The following CDH4 variants were observed in gnomAD, a reference collection of about 807,000 sequenced individuals.
CDH4 encodes cadherin 4.
CDH4 carries 33 observed loss-of-function variants against 86.0 expected under a neutral mutation model. The ratio of observed to expected loss-of-function variants is 0.38; its 90% CI spans 0.29 to 0.51. The LOEUF is 0.51. Among genes scored for constraint, CDH4 ranks in the 20% least tolerant of loss-of-function variants. CDH4 has a pLI of 0.86. For missense variants in CDH4, 1,114 were observed against 1,307.4 expected, an observed-to-expected ratio of 0.85 and a Z score of 2.28; for synonymous variants, 555 against 549.4, an observed-to-expected ratio of 1.01 and a Z score of -0.14.
At chr20:61,256,571 G>A (rs893973515) in intron 2 of CDH4, among the ~76,000 whole-genome samples, 1 of 152,208 alleles carries the variant, frequency 6.6e-6, no homozygotes, top group Non-Finnish European at 1.5e-5. Flanking sequence ...ATCACTGGCC[G>A]GATGTCGGCC....
intron 3 of CDH4, among the ~76,000 whole-genome samples, chr20:61,752,521 T>C (rs1235005302): frequency 6.6e-6 from 1 of 152,166 alleles, no homozygotes; most frequent in Non-Finnish European, 1.5e-5. Context: ...GCCTCGTTTT[T>C]GGTGTATGCC....
At chr20:61,545,704 C>T (rs961664993) in intron 2 of CDH4, among the ~76,000 whole-genome samples, 6 of 152,112 alleles carry the variant, frequency 3.9e-5, no homozygotes, top group Non-Finnish European at 5.9e-5. Context: ...TTGGCGCCAG[C>T]GGGCAGGAGG....
intron 2 of CDH4, among the ~76,000 whole-genome samples, chr20:61,329,581 A>C (rs1383854936): frequency 6.6e-6 from 1 of 152,094 alleles, no homozygotes; most frequent in Non-Finnish European, 1.5e-5. Context: ...TCTTTCCAGC[A>C]TAGTTCCCCC....
Position 61,501,196 on chromosome 20 carries a change from C to T in CDH4, c.170-242367C>T, listed in dbSNP as rs1816332496. On this transcript the variant is annotated intron_variant, in intron 2 of 15. Transcript: ENST00000614565. This position sits in a 1 kb window ranked among gnomAD's most constrained non-coding sequence, Gnocchi z 4.2. Reference sequence around the variant, plus strand: ...TAGACTCAGGCTGGGGGAGGTGGCGCTGCCATCCGCCATCTCCAGTCTCCT... The same window carrying T: ...TAGACTCAGGCTGGGGGAGGTGGCGTTGCCATCCGCCATCTCCAGTCTCCT... Among the ~76,000 whole-genome samples, 2 of 152,216 alleles carry T rather than the reference C, an allele frequency of 1.3e-5. No homozygotes were observed. The highest frequency in any genetic ancestry group is 2.1e-4 in the South Asian group (1 of 4,832).
intron 2 of CDH4, among the ~76,000 whole-genome samples, chr20:61,697,919 G>A (rs192998596): frequency 2.4e-4 from 36 of 152,328 alleles, no homozygotes; most frequent in African/African-American, 7.0e-4. Context: ...TCTCTTTTGC[G>A]GAGTAAGTGC....
rs147141656 is a variant in CDH4 at position 61,908,037 on chromosome 20, C to T, written c.1189-2385C>T. Among the ~76,000 whole-genome samples the T allele has an allele frequency of 9.3e-3, 1,419 of 152,302 alleles. 76 individuals are homozygous for T. Among genetic ancestry groups the T allele is most frequent in the Admixed American group, 0.066 (1,006 of 15,296 alleles). Reference sequence around the variant, plus strand: ...CAGGCAGGGCCCTTCCTACCAGACCCAGAGCTGGGCCGGGCTGCGGGGTTT... The same window carrying T: ...CAGGCAGGGCCCTTCCTACCAGACCTAGAGCTGGGCCGGGCTGCGGGGTTT... On this transcript the variant is annotated intron_variant, in intron 8 of 15. Transcript: ENST00000614565.
At chr20:61,658,339 T>C (rs542779201) in intron 2 of CDH4, among the ~76,000 whole-genome samples, 1 of 152,004 alleles carries the variant, frequency 6.6e-6, no homozygotes, top group African/African-American at 2.4e-5. Flanking sequence ...CCCCGAGTCA[T>C]TGTCCCCTCC....
chr20:61,349,265 G>A lies in CDH4; in HGVS notation c.169+94328G>A, dbSNP rs566029516. Among the ~76,000 whole-genome samples, 17 of 152,314 alleles carry A rather than the reference G, an allele frequency of 1.1e-4. No homozygotes were observed. In the East Asian group the frequency reaches 2.3e-3, roughly 21 times the overall value. On this transcript the variant is annotated intron_variant, in intron 2 of 15. Transcript: ENST00000614565. ...ACCTGCCCCAACCCAAGGCTGCTCC[G>A]TAGCCGTGGAGTTGGTGGTTCTGGG...
intron 2 of CDH4, among the ~76,000 whole-genome samples, chr20:61,638,512 A>AT (rs2086972317): frequency 6.6e-6 from 1 of 152,182 alleles, no homozygotes; most frequent in Admixed American, 6.5e-5. Context: ...GGAAGGAAGT[A>AT]TAATGGATGG....
intron 2 of CDH4, among the ~76,000 whole-genome samples, chr20:61,279,623 G>C (rs946104002): frequency 1.3e-5 from 2 of 152,188 alleles, no homozygotes; most frequent in Non-Finnish European, 2.9e-5. Context: ...CGACAGCAGG[G>C]AGCAGTGAAG....
intron 2 of CDH4, among the ~76,000 whole-genome samples, chr20:61,682,312 G>A (rs750512008): frequency 7.2e-6 from 1 of 138,686 alleles, no homozygotes; most frequent in South Asian, 2.5e-4. Flanking sequence ...AGGGACAGAT[G>A]GAAGGAGAGA....
At chr20:61,899,916 A>G (rs1985306291) in intron 8 of CDH4, among the ~76,000 whole-genome samples, 1 of 152,234 alleles carries the variant, frequency 6.6e-6, no homozygotes, top group Admixed American at 6.5e-5. Flanking sequence ...TGCCAGAGGC[A>G]GGGTGTCAGC....
chr20:61,886,819 T>G (rs988171189), intron 7 of CDH4, among the ~76,000 whole-genome samples: 1 of 152,146 alleles, frequency 6.6e-6, no homozygotes, highest in African/African-American at 2.4e-5. Flanking sequence ...CTTGGAGGAC[T>G]GCACACAGCG....
intron 2 of CDH4, among the ~76,000 whole-genome samples, chr20:61,720,191 G>C (rs16985505): frequency 0.054 from 8,144 of 152,176 alleles, 723 homozygotes; most frequent in East Asian, 0.38. Context: ...CATGTTTTGG[G>C]CGAACGTTGG....
At chr20:61,706,332 G>A (rs993012225) in intron 2 of CDH4, among the ~76,000 whole-genome samples, 5 of 152,068 alleles carry the variant, frequency 3.3e-5, no homozygotes, top group South Asian at 4.1e-4. Flanking sequence ...ATGAGAGACC[G>A]GATACCCCAC....
At chr20:61,932,409 C>A (rs2055121428) in intron 13 of CDH4, among the ~76,000 whole-genome samples, 1 of 152,218 alleles carries the variant, frequency 6.6e-6, no homozygotes, top group Non-Finnish European at 1.5e-5. Flanking sequence ...TGCACACGCA[C>A]ACAGGCATGC....
chr20:61,578,394 A>G (rs530334292), intron 2 of CDH4, among the ~76,000 whole-genome samples: 1 of 152,316 alleles, frequency 6.6e-6, no homozygotes, highest in East Asian at 1.9e-4. Flanking sequence ...ATTTCACTGG[A>G]TGTAGCTGTT....
chr20:61,619,877 C>T lies in CDH4; in HGVS notation c.170-123686C>T, dbSNP rs367696100. Among the ~76,000 whole-genome samples, 237 of 152,372 alleles carry T rather than the reference C, an allele frequency of 1.6e-3. 8 individuals carry two copies. In the South Asian group the frequency reaches 0.048, roughly 31 times the overall value. On this transcript the variant is annotated intron_variant, in intron 2 of 15. Transcript: ENST00000614565. ...GTTGCCGTAGGGCCTCTGATGATGG[C>T]AGCGCTGGGGCCTGACGGCCGAGCA...
chr20:61,641,106 C>T lies in CDH4; in HGVS notation c.170-102457C>T, dbSNP rs753513192. Among the ~76,000 whole-genome samples, 15 of 152,228 alleles carry T rather than the reference C, an allele frequency of 9.9e-5. No homozygotes were observed. The East Asian group carries it at 2.3e-3, about 24-fold the overall frequency. On this transcript the variant is annotated intron_variant, in intron 2 of 15. Coordinates refer to ENST00000614565, the MANE Select transcript of CDH4 (RefSeq NM_001794.5). Reference sequence around the variant, plus strand: ...CCTGTGCTGCCCTCTCAGCTGCAGGCGCTGGGCAGGGTGGGGCACAGGAAG... The same window carrying T: ...CCTGTGCTGCCCTCTCAGCTGCAGGTGCTGGGCAGGGTGGGGCACAGGAAG...
Sources: allele counts gnomAD v4.1 joint callset (sites outside exome capture counted in the v4.1 genomes callset), GRCh38; gene constraint gnomAD v4.1.1; non-coding constraint Gnocchi (gnomAD v3.1); transcripts MANE v1.5; gene names NCBI Gene and HGNC (gene_info 2026-07-23, HGNC 2026-07-21).